The following VSTM1 variants were observed in gnomAD, a reference collection of about 807,000 sequenced individuals.
VSTM1 encodes the protein V-set and transmembrane domain-containing protein 1.
VSTM1 carries 27 observed loss-of-function variants against 33.1 expected under a neutral mutation model. The ratio of observed to expected loss-of-function variants is 0.82; its 90% CI spans 0.60 to 1.12. VSTM1 has a LOEUF of 1.12. Ranked by LOEUF, VSTM1 falls within the 50% of genes most tolerant of loss-of-function variation. The pLI is 0.00. For synonymous variants in VSTM1, 115 were observed against 110.3 expected (o/e 1.04, Z -0.27); for missense variants, 304 against 288.9 (o/e 1.05, Z -0.38).
intron 3 of VSTM1, chr19:54,053,023 G>T: frequency 7.0e-6 from 1 of 143,266 alleles, no homozygotes; most frequent in Non-Finnish European, 1.5e-5. Flanking sequence ...GACCCTTCCA[G>T]CATATAAATA....
Position 54,058,735 on chromosome 19 carries a change from G to T in VSTM1, c.35-3C>A. On this transcript the variant is annotated splice_region_variant and splice_polypyrimidine_tract_variant and intron_variant, in intron 1 of 8. Coordinates refer to ENST00000338372, the MANE Select transcript of VSTM1 (RefSeq NM_198481.4). ...ATCTTCGTAGCCCAGACACAGCCCT[G>T]GAAGAGAAATCTCAATGAGAGAAAA... 1 of 1,613,464 alleles carries T rather than the reference G, an allele frequency of 6.2e-7. No homozygotes were observed. Among genetic ancestry groups the T allele is most frequent in the Non-Finnish European group, 8.5e-7 (1 of 1,179,918 alleles).
Position 54,058,694 on chromosome 19 carries a change from C to T in VSTM1, c.70+3G>A. 6.2e-7 allele frequency: 1 copy of T among 1,613,938 alleles called. No individual in the cohort carries two copies. The highest frequency in any genetic ancestry group is 8.5e-7 in the Non-Finnish European group (1 of 1,179,978). On this transcript the variant is annotated splice_donor_region_variant and intron_variant, in intron 2 of 8. Transcript: ENST00000338372. ...ATAAAAGTTTAAGTAGGAGAAAACT[C>T]ACCATTCTTTTTCTCATCTTCGTAG...
intron 8 of VSTM1, among the ~76,000 whole-genome samples, chr19:54,041,483 A>G (rs2070263768): frequency 6.6e-6 from 1 of 151,840 alleles, no homozygotes; most frequent in Admixed American, 6.6e-5. Context: ...TTGTATCTTT[A>G]GTAGAGATGG....
At position 54,055,608 on chromosome 19, in the gene VSTM1, C is replaced by T. The variant is rs981568184; in HGVS notation, c.355+2698G>A. 2.8e-5 allele frequency: 4 copies of T among 143,200 alleles called. 1 individual carries two copies. The Admixed American group carries it at 2.9e-4, about 10-fold the overall frequency. The allele number at this position is 143,200 out of a possible 1,614,324, so 8.9% of individuals were successfully genotyped here. A position where few individuals can be genotyped will look rare whatever the true frequency, so the allele number is the denominator to read the frequency against. ...TAGTTTCCACTGTCATTACTTGTCA[C>T]GTTCCAGAGCATGAAATCAGTCTGG... On this transcript the variant is annotated intron_variant, in intron 3 of 8. Coordinates refer to ENST00000338372, the MANE Select transcript of VSTM1 (RefSeq NM_198481.4).
Position 54,049,528 on chromosome 19 carries a change from A to T in VSTM1, c.394+1882T>A, listed in dbSNP as rs75342139. Reference sequence around the variant, plus strand: ...GTGAATTATATATCAATAAAAAAAGAAAGAAAATAAATGATACAAGAGCTC... The same window carrying T: ...GTGAATTATATATCAATAAAAAAAGTAAGAAAATAAATGATACAAGAGCTC... On this transcript the variant is annotated intron_variant, in intron 4 of 8. Transcript: ENST00000338372. Among the ~76,000 whole-genome samples the T allele has an allele frequency of 8.2e-3, 1,244 of 152,276 alleles. 15 individuals are homozygous for T. Among genetic ancestry groups the T allele is most frequent in the Non-Finnish European group, 0.014 (919 of 68,008 alleles).
intron 3 of VSTM1, among the ~76,000 whole-genome samples, chr19:54,052,053 A>T (rs541485096): frequency 6.6e-6 from 1 of 152,116 alleles, no homozygotes; most frequent in Admixed American, 6.5e-5. Flanking sequence ...GAGCCACTGC[A>T]CCTGGCCTAT....
chr19:54,053,711 ACTCCTGACC>A (rs1568469425), intron 3 of VSTM1, among the ~76,000 whole-genome samples: 1 of 141,650 alleles, frequency 7.1e-6, no homozygotes, highest in African/African-American at 2.6e-5. Context: ...CTGTGCCTGG[ACTCCTGACC>A]CACATCAACT....
chr19:54,047,302 T>C (rs1300985912), intron 4 of VSTM1, among the ~76,000 whole-genome samples: 1 of 106,024 alleles, frequency 9.4e-6, no homozygotes, highest in Non-Finnish European at 2.0e-5. Context: ...AAAGCAACAA[T>C]TTTTTTTTTT....
rs1284994653 is a variant in VSTM1 at position 54,046,369 on chromosome 19, C to T, written c.395-4000G>A. Among the ~76,000 whole-genome samples, 5 of 152,022 alleles carry T rather than the reference C, an allele frequency of 3.3e-5. No individual in the cohort carries two copies. The South Asian group carries it at 6.2e-4, about 19-fold the overall frequency. On this transcript the variant is annotated intron_variant, in intron 4 of 8. Transcript: ENST00000338372. ...AATGTTCCCTTCCCTTTCTGGAATA[C>T]GTTATTTTTTGGTTAAATATAAGGA...
intron 1 of VSTM1, among the ~76,000 whole-genome samples, chr19:54,059,721 G>A (rs975189915): frequency 1.3e-5 from 2 of 151,892 alleles, no homozygotes; most frequent in Admixed American, 1.3e-4. Context: ...TGATCCACCC[G>A]CCTCAGCCTC....
intron 1 of VSTM1, among the ~76,000 whole-genome samples, chr19:54,059,596 G>T (rs1293294530): frequency 1.3e-5 from 2 of 151,754 alleles, no homozygotes; most frequent in African/African-American, 2.4e-5. Context: ...TCAGGCTCCA[G>T]AGTAGCTGGG....
intron 4 of VSTM1, among the ~76,000 whole-genome samples, chr19:54,047,978 A>T (rs1339920516): frequency 6.6e-6 from 1 of 152,212 alleles, no homozygotes; most frequent in Non-Finnish European, 1.5e-5. Context: ...AGGCACCAGA[A>T]AGAAAGTCAA....
chr19:54,045,857 T>G (rs1279519743), intron 4 of VSTM1, among the ~76,000 whole-genome samples: 1 of 152,176 alleles, frequency 6.6e-6, no homozygotes, highest in Non-Finnish European at 1.5e-5. Flanking sequence ...ATCTATCATC[T>G]ATCTAATGTA....
intron 1 of VSTM1, 78 bp from the exon 2 acceptor site, chr19:54,058,810 CTCTT>C: frequency 8.8e-7 from 1 of 1,134,944 alleles, no homozygotes; most frequent in Non-Finnish European, 1.3e-6. Flanking sequence ...GTATGACTAG[CTCTT>C]TATAGGTCTG....
Position 54,053,493 on chromosome 19 carries a change from C to G in VSTM1, c.356-2045G>C, listed in dbSNP as rs369481988. Among the ~76,000 whole-genome samples the G allele has an allele frequency of 8.4e-5, 12 of 142,758 alleles. 2 individuals carry two copies. The highest frequency in any genetic ancestry group is 8.0e-4 in the East Asian group (4 of 5,018). 93.7% of individuals were successfully genotyped at this position (142,758 alleles called of 152,430 possible). ...GGCATTTGCTCTCTCTTTCTTCTCT[C>G]TCTCTCAATCTCTCTTCTTGCAAGT... is the stretch of plus-strand genomic sequence containing the variant. On this transcript the variant is annotated intron_variant, in intron 3 of 8. Transcript: ENST00000338372.
intron 3 of VSTM1, among the ~76,000 whole-genome samples, chr19:54,056,356 A>G (rs1259816645): frequency 7.4e-6 from 1 of 135,250 alleles, no homozygotes; most frequent in African/African-American, 2.8e-5. Context: ...CGAGTAGCTG[A>G]AAGCACAGGT....
rs1025124852 is a variant in VSTM1, at chr19:54,059,312, C to T, written c.35-580G>A. Among the ~76,000 whole-genome samples, 8 of 152,212 alleles carry T rather than the reference C, an allele frequency of 5.3e-5. No homozygotes were observed. In the East Asian group the frequency reaches 5.8e-4, roughly 11 times the overall value. ...CTGACCTCAGGTGATCCACACGCCT[C>T]GGCCTCCCAAAGTGCTGGGATTACA... On this transcript the variant is annotated intron_variant, in intron 1 of 8. Coordinates refer to ENST00000338372, the MANE Select transcript of VSTM1 (RefSeq NM_198481.4).
intron 3 of VSTM1, among the ~76,000 whole-genome samples, chr19:54,051,880 C>T (rs979524813): frequency 6.6e-6 from 1 of 152,066 alleles, no homozygotes; most frequent in African/African-American, 2.4e-5. Flanking sequence ...CCTGCCTCAG[C>T]CTTCCAAGTA....
intron 1 of VSTM1, among the ~76,000 whole-genome samples, chr19:54,059,259 C>T (rs2071269365): frequency 6.6e-6 from 1 of 151,996 alleles, no homozygotes; most frequent in African/African-American, 2.4e-5. Flanking sequence ...CAGGGTCTCA[C>T]CATGTTGGCC....
Sources: allele counts gnomAD v4.1 joint callset (sites outside exome capture counted in the v4.1 genomes callset), GRCh38; gene constraint gnomAD v4.1.1; transcripts MANE v1.5; gene names NCBI Gene and HGNC (gene_info 2026-07-23, HGNC 2026-07-21).